RARA: variants seen among roughly 807,000 people sequenced by gnomAD.
RARA encodes the protein retinoic acid receptor alpha, also known as PML-DDX5-RARA fusion.
RARA carries 5 observed loss-of-function variants against 42.8 expected under a neutral mutation model. The ratio of observed to expected loss-of-function variants is 0.12; its 90% CI spans 0.06 to 0.25. The LOEUF (loss-of-function observed/expected upper bound fraction) is 0.25. Among genes scored for constraint, RARA ranks in the 10% least tolerant of loss-of-function variants. RARA has a pLI of 1.00. For missense variants in RARA, 402 were observed against 628.7 expected, an observed-to-expected ratio of 0.64 and a Z score of 3.86; for synonymous variants, 256 against 259.5, an observed-to-expected ratio of 0.99 and a Z score of 0.13.
intron 2 of RARA, among the ~76,000 whole-genome samples, chr17:40,339,568 C>T (rs1282507459): frequency 1.3e-5 from 2 of 152,172 alleles, no homozygotes; most frequent in Non-Finnish European, 2.9e-5. Context: ...AGCTTCTCCT[C>T]TCCAGCTCCG....
chr17:40,311,112 G>C (rs2033086208), intron 1 of RARA, among the ~76,000 whole-genome samples: 1 of 151,864 alleles, frequency 6.6e-6, no homozygotes, highest in Admixed American at 6.6e-5. Context: ...TCCCTGCTTG[G>C]CGTCCTTGTC....
Position 40,318,338 on chromosome 17 carries a change from G to C in RARA, c.-363+9052G>C, listed in dbSNP as rs1161550846. 6 of 152,428 alleles carry C rather than the reference G, an allele frequency of 3.9e-5. No individual in the cohort carries two copies. In the East Asian group the frequency reaches 1.2e-3, roughly 29 times the overall value. The allele number at this position is 152,428 out of a possible 1,614,324, so 9.4% of individuals were successfully genotyped here. ...GCCCCTGAGCCGCGGCCCCCTGGAC[G>C]GCTCCTCTCCCGGGACCCCGCACCC... is the stretch of plus-strand genomic sequence containing the variant. On this transcript the variant is annotated intron_variant, in intron 1 of 8. Transcript: ENST00000254066.
intron 1 of RARA, among the ~76,000 whole-genome samples, chr17:40,315,132 G>GCT (rs2033174959): frequency 1.1e-4 from 7 of 64,178 alleles, no homozygotes; most frequent in African/African-American, 4.5e-4. Context: ...GCTTATATGT[G>GCT]TATATATATA....
Position 40,355,125 on chromosome 17 carries a change from A to G in RARA, c.1013-138A>G. 2 of 1,080,402 alleles carry G rather than the reference A, an allele frequency of 1.9e-6. No homozygotes were observed. The highest frequency in any genetic ancestry group is 3.4e-5 in the South Asian group (2 of 58,912). The allele number at this position is 1,080,402 out of a possible 1,614,324, so 66.9% of individuals were successfully genotyped here. ...GCCTCTGTACCCTGCGGCAGCAGAG[A>G]CCCCATGCCCTGCCCTGTGTGGGGA... On this transcript the variant is annotated intron_variant, in intron 7 of 8. Transcript: ENST00000254066. This position sits in a 1 kb window ranked among gnomAD's most constrained non-coding sequence, Gnocchi z 4.1.
chr17:40,321,612 C>T (rs2033381898), intron 1 of RARA, among the ~76,000 whole-genome samples: 1 of 152,226 alleles, frequency 6.6e-6, no homozygotes, highest in African/African-American at 2.4e-5. Flanking sequence ...GTCCATCCCT[C>T]TGGCCAGTGA....
rs113846047 is a variant in RARA at position 40,351,544 on chromosome 17, G to C, written c.470-366G>C. The C allele has an allele frequency of 4.2e-6, 2 of 472,242 alleles. No homozygotes were observed. Among genetic ancestry groups the C allele is most frequent in the South Asian group, 1.6e-5 (1 of 63,602 alleles). The allele number at this position is 472,242 out of a possible 1,614,324, so 29.3% of individuals were successfully genotyped here. ...CTGGGAGGGCTGGGTGAGTGGAGGC[G>C]GGAGAAGGACCTTCCTGGGGAAAGA... On this transcript the variant is annotated intron_variant, in intron 4 of 8. Transcript: ENST00000254066. The surrounding 1 kb of genome is among the most constrained non-coding windows in gnomAD (Gnocchi z 4.1).
At position 40,352,653 on chromosome 17, in the gene RARA, A is replaced by G; in HGVS notation, c.807+146A>G. 2.6e-6 allele frequency: 2 copies of G among 767,366 alleles called. No homozygotes were observed. The highest frequency in any genetic ancestry group is 3.9e-6 in the Non-Finnish European group (2 of 507,822). 47.5% of individuals were successfully genotyped at this position (767,366 alleles called of 1,614,324 possible). On this transcript the variant is annotated intron_variant, in intron 6 of 8. Transcript: ENST00000254066. The surrounding 1 kb of genome is among the most constrained non-coding windows in gnomAD (Gnocchi z 4.9). ...CCAAATGTCTGCCCTTCCTCTCCCC[A>G]TATGTCCACCTGTCCACTCGTCTCC...
Position 40,352,557 on chromosome 17 carries a change from G to A in RARA, c.807+50G>A. On this transcript the variant is annotated intron_variant, in intron 6 of 8. Transcript: ENST00000254066. This position sits in a 1 kb window ranked among gnomAD's most constrained non-coding sequence, Gnocchi z 4.9. ...AGGCACTGCCCCTGTGTCCTGGGTA[G>A]ATGTCCTTCCAGCCAGACAGCCACC... is the stretch of plus-strand genomic sequence containing the variant. 1 of 1,452,154 alleles carries A rather than the reference G, an allele frequency of 6.9e-7. No homozygotes were observed. The highest frequency in any genetic ancestry group is 9.3e-7 in the Non-Finnish European group (1 of 1,080,946). 90.0% of individuals were successfully genotyped at this position (1,452,154 alleles called of 1,614,324 possible).
At chr17:40,314,790 G>C (rs983094525) in intron 1 of RARA, among the ~76,000 whole-genome samples, 2 of 151,832 alleles carry the variant, frequency 1.3e-5, no homozygotes, top group African/African-American at 4.8e-5. Flanking sequence ...CGGTAGGTGA[G>C]TCACTGCCCT....
In RARA at chr17:40,351,935, G is replaced by A. The variant is rs769259949; in HGVS notation, c.495G>A (p.Lys165=). The A allele has an allele frequency of 5.6e-6, 9 of 1,612,630 alleles. No individual in the cohort carries two copies. Among genetic ancestry groups the A allele is most frequent in the Non-Finnish European group, 6.8e-6 (8 of 1,179,532 alleles). Residue 165 remains lysine (K), a synonymous_variant, in exon 5 of 9, where the codon AAG becomes AAA. Transcript: ENST00000254066. The surrounding 1 kb of genome is among the most constrained non-coding windows in gnomAD (Gnocchi z 4.1). ...CTGTGAGAAACGACCGAAACAAGAA[G>A]AAGAAGGAGGTGCCCAAGCCCGAGT... ...KESVRNDRNK[K]KKEVPKPECS...
chr17:40,341,307 G>T, intron 2 of RARA: 1 of 1,383,426 alleles, frequency 7.2e-7, no homozygotes. Flanking sequence ...CACGCAGAGC[G>T]TGGGGAGGAG....
At chr17:40,325,291 A>ATAAG (rs2033507623) in intron 1 of RARA, among the ~76,000 whole-genome samples, 1 of 151,546 alleles carries the variant, frequency 6.6e-6, no homozygotes, top group Admixed American at 6.6e-5. Flanking sequence ...AAATAAATAA[A>ATAAG]TAAATAAAAA....
chr17:40,338,363 A>G (rs1175953626), intron 2 of RARA, among the ~76,000 whole-genome samples: 1 of 152,166 alleles, frequency 6.6e-6, no homozygotes, highest in Non-Finnish European at 1.5e-5. Context: ...ACTGGAGGCC[A>G]CTCAACCTTT....
intron 1 of RARA, among the ~76,000 whole-genome samples, chr17:40,324,405 C>G (rs12946680): frequency 0.24 from 36,249 of 151,834 alleles, 6,218 homozygotes; most frequent in African/African-American, 0.49. Context: ...TCTGGTTCTA[C>G]GTGGACCTCT....
At chr17:40,344,040 T>TC (rs1173493017) in intron 2 of RARA, among the ~76,000 whole-genome samples, 5 of 151,546 alleles carry the variant, frequency 3.3e-5, no homozygotes, top group Admixed American at 2.6e-4. Flanking sequence ...GTGGAGGATC[T>TC]CCCACCTTCC....
intron 6 of RARA, among the ~76,000 whole-genome samples, chr17:40,353,344 G>A (rs2034513805): frequency 6.6e-6 from 1 of 152,144 alleles, no homozygotes; most frequent in African/African-American, 2.4e-5. Flanking sequence ...AGGCTGGAGG[G>A]AGCACTCTCC....
At chr17:40,318,366 A>G (rs566062574) in intron 1 of RARA, 1 of 152,410 alleles carries the variant, frequency 6.6e-6, no homozygotes, top group African/African-American at 2.4e-5. Context: ...CCGCACCCTG[A>G]TGCCGAGCAG....
At chr17:40,330,383 G>C (rs138410713) in intron 1 of RARA, among the ~76,000 whole-genome samples, 2,880 of 152,228 alleles carry the variant, frequency 0.019, 91 homozygotes, top group Non-Finnish European at 0.02. Flanking sequence ...CTTGGATCTG[G>C]GGGGGAAGTG....
In RARA at chr17:40,356,034, G is replaced by A. The variant is rs764185871; in HGVS notation, c.1197G>A (p.Lys399=). 1.9e-6 allele frequency: 3 copies of A among 1,605,704 alleles called. No homozygotes were observed. Among genetic ancestry groups the A allele is most frequent in the Non-Finnish European group, 2.5e-6 (3 of 1,177,372 alleles). Residue 399 remains lysine, a synonymous_variant, in exon 9 of 9, where the codon AAG becomes AAA. Coordinates refer to ENST00000254066, the MANE Select transcript of RARA (RefSeq NM_000964.4). ...GGGCTGAGCGGGTGATCACGCTGAA[G>A]ATGGAGATCCCGGGCTCCATGCCGC... ...AKGAERVITL[K]MEIPGSMPPL...
Sources: gnomAD v4.1 joint callset for allele counts (sites outside exome capture counted in the v4.1 genomes callset) on GRCh38, gnomAD v4.1.1 for gene constraint, Gnocchi (gnomAD v3.1) non-coding constraint, MANE v1.5 for transcripts, NCBI Gene and HGNC (gene_info 2026-07-23, HGNC 2026-07-21) for gene names.